TMEM19: variants seen among roughly 807,000 people sequenced by gnomAD.
TMEM19 encodes transmembrane protein 19.
A neutral mutation model predicts 33.6 loss-of-function variants in TMEM19; 21 were observed. That is an observed-to-expected ratio of 0.62 (90% CI 0.44 to 0.90). TMEM19 has a LOEUF of 0.90. Among genes scored for constraint, TMEM19 ranks in the 40% least tolerant of loss-of-function variants. The pLI is 0.00. For synonymous variants in TMEM19, 149 were observed against 147.5 expected (o/e 1.01, Z -0.07); for missense variants, 402 against 401.8 (o/e 1.00, Z 0.00).
intron 2 of TMEM19, among the ~76,000 whole-genome samples, chr12:71,696,211 C>T (rs116030156): frequency 0.011 from 1,675 of 152,144 alleles, 25 homozygotes; most frequent in African/African-American, 0.038. Context: ...TATTATCTTA[C>T]ATTCATATGG....
chr12:71,700,049 C>T (rs144378732), intron 5 of TMEM19, among the ~76,000 whole-genome samples: 171 of 152,258 alleles, frequency 1.1e-3, no homozygotes, highest in African/African-American at 4.0e-3. Flanking sequence ...AGGGTTCTCT[C>T]AGTATAGTCC....
chr12:71,700,924 A>T lies in TMEM19; in HGVS notation c.940A>T (p.Asn314Tyr). Residue 314 changes from asparagine to tyrosine, a missense_variant, in exon 6 of 6, where the codon AAT becomes TAT. By Grantham distance (143) the Asn-to-Tyr change is moderately radical. Transcript: ENST00000266673. ...ACCCATTCTTGATAACAACGCAGTG[A>T]ATCTGTTTTCTTCTGTTCTTATTGC... ...GKPILDNNAV[N>Y]LFSSVLIALL... The T allele has an allele frequency of 6.2e-7, 1 of 1,613,824 alleles. No homozygotes were observed. Among genetic ancestry groups the T allele is most frequent in the Non-Finnish European group, 8.5e-7 (1 of 1,179,860 alleles).
rs1291512264 is a variant in TMEM19, at chr12:71,701,652, A to G, written c.*657A>G. The G allele has an allele frequency of 6.6e-6, 1 of 152,274 alleles. No homozygotes were observed. Among genetic ancestry groups the G allele is most frequent in the Non-Finnish European group, 1.5e-5 (1 of 68,044 alleles). The allele number at this position is 152,274 out of a possible 1,614,324, so 9.4% of individuals were successfully genotyped here. A position where few individuals can be genotyped will look rare whatever the true frequency, so the allele number is the denominator to read the frequency against. On this transcript the variant is annotated 3_prime_UTR_variant, in exon 6 of 6. Transcript: ENST00000266673. ...AGAATGTATGAAAAAAATCATTTTA[A>G]CTAAAAGCAAAAGAATTTTATCTTA...
chr12:71,689,247 G>T (rs565346025), intron 1 of TMEM19, among the ~76,000 whole-genome samples: 3 of 152,074 alleles, frequency 2.0e-5, no homozygotes. Context: ...ACACAAATAC[G>T]TTATAATTGC....
In TMEM19 at chr12:71,698,883, G is replaced by T. The variant is rs1041698268; in HGVS notation, c.638-17G>T. On this transcript the variant is annotated splice_polypyrimidine_tract_variant and intron_variant, in intron 4 of 5. Coordinates refer to ENST00000266673, the MANE Select transcript of TMEM19 (RefSeq NM_018279.4). Reference sequence around the variant, plus strand: ...CTGATTATTAACCGGATGATTTTCTGCATGTTTCTTCTTCAGGTACCAATG... The same window carrying T: ...CTGATTATTAACCGGATGATTTTCTTCATGTTTCTTCTTCAGGTACCAATG... 6.2e-7 allele frequency: 1 copy of T among 1,611,592 alleles called. No homozygotes were observed. The highest frequency in any genetic ancestry group is 1.7e-5 in the Admixed American group (1 of 59,928).
At chr12:71,699,292 A>G (rs746836570) in intron 5 of TMEM19, 183 bp downstream of exon 5, 17 of 640,480 alleles carry the variant, frequency 2.7e-5, no homozygotes, top group Non-Finnish European at 3.2e-5. Flanking sequence ...ATTAATTGAA[A>G]GAGAATTAGT....
chr12:71,701,133 C>T lies in TMEM19; in HGVS notation c.*138C>T. On this transcript the variant is annotated 3_prime_UTR_variant, in exon 6 of 6. Coordinates refer to ENST00000266673, the MANE Select transcript of TMEM19 (RefSeq NM_018279.4). Reference sequence around the variant, plus strand: ...TGTATTCCATTGAGATGGGATTTCACATTTTCCTCTCATCAACTCCCCTGT... The same window carrying T: ...TGTATTCCATTGAGATGGGATTTCATATTTTCCTCTCATCAACTCCCCTGT... The T allele has an allele frequency of 2.3e-6, 2 of 870,670 alleles. No homozygotes were observed. The highest frequency in any genetic ancestry group is 1.7e-5 in the African/African-American group (1 of 58,948). 53.9% of individuals were successfully genotyped at this position (870,670 alleles called of 1,614,324 possible). A position where few individuals can be genotyped will look rare whatever the true frequency, so the allele number is the denominator to read the frequency against.
intron 1 of TMEM19, 45 bp downstream of exon 1, chr12:71,686,855 G>A (rs1881699460): frequency 1.9e-6 from 3 of 1,553,590 alleles, no homozygotes; most frequent in East Asian, 4.6e-5. Context: ...TCTAGTCAGA[G>A]GAAATTAAAA....
chr12:71,688,387 G>T (rs1023502666), intron 1 of TMEM19, among the ~76,000 whole-genome samples: 2 of 152,038 alleles, frequency 1.3e-5, no homozygotes, highest in Non-Finnish European at 2.9e-5. Context: ...CTGCCACCAT[G>T]CCTGGCTAAT....
At position 71,686,432 on chromosome 12, in the gene TMEM19, T is replaced by G; in HGVS notation, c.-249T>G. On this transcript the variant is annotated 5_prime_UTR_variant, in exon 1 of 6. Transcript: ENST00000266673. The stretch of plus-strand genomic sequence containing the variant: ...GCGGCCGGCAGCCGGCGACCGGCCC[T>G]CACCGTCCGCCGGGTTGCGCTCTGC... 2.8e-6 allele frequency: 1 copy of G among 360,304 alleles called. No individual in the cohort carries two copies. The allele number at this position is 360,304 out of a possible 1,614,324, so 22.3% of individuals were successfully genotyped here.
chr12:71,690,796 G>T (rs1015648719), intron 2 of TMEM19, among the ~76,000 whole-genome samples: 2 of 152,172 alleles, frequency 1.3e-5, no homozygotes, highest in African/African-American at 4.8e-5. Context: ...AGAATAACAA[G>T]TGCAAAAGTC....
At chr12:71,691,204 A>C (rs1881779464) in intron 2 of TMEM19, among the ~76,000 whole-genome samples, 1 of 152,192 alleles carries the variant, frequency 6.6e-6, no homozygotes, top group Non-Finnish European at 1.5e-5. Context: ...AATACTGTTT[A>C]AGTTATATTG....
chr12:71,697,479 A>C lies in TMEM19; in HGVS notation c.582A>C (p.Pro194=). 6.3e-7 allele frequency: 1 copy of C among 1,597,712 alleles called. No homozygotes were observed. ...ACACATGGGCTTCAGAAGTTGGCCC[A>C]GTTCTGAGTAAAAGTTCTCCAAGAC... ...AGDTWASEVG[P]VLSKSSPRLI... is the part of the protein sequence containing the mutation. The change falls in exon 4 of 6, where the codon CCA becomes CCC. Residue 194 remains proline, a synonymous_variant. Transcript: ENST00000266673.
chr12:71,690,893 T>G (rs748500790), intron 2 of TMEM19, among the ~76,000 whole-genome samples: 1 of 152,230 alleles, frequency 6.6e-6, no homozygotes, highest in Non-Finnish European at 1.5e-5. Flanking sequence ...AAGTGAGAGA[T>G]AAAATTGAAT....
At position 71,700,849 on chromosome 12, in the gene TMEM19, G is replaced by A. The variant is rs1881964852; in HGVS notation, c.865G>A (p.Gly289Ser). Residue 289 changes from glycine to serine, a missense_variant, in exon 6 of 6, where the codon GGC (glycine) becomes AGC (serine). Coordinates refer to ENST00000266673, the MANE Select transcript of TMEM19 (RefSeq NM_018279.4). Reference protein sequence around the residue: ...MQYTGLDESTGMVVNSPTNKA... With the variant: ...MQYTGLDESTSMVVNSPTNKA... ...CATTCCAGGGTTGGATGAAAGCACT[G>A]GCATGGTGGTCAACAGCCCAACAAA... 2 of 1,607,136 alleles carry A rather than the reference G, an allele frequency of 1.2e-6. No homozygotes were observed. Among genetic ancestry groups the A allele is most frequent in the South Asian group, 1.1e-5 (1 of 90,102 alleles).
chr12:71,694,880 A>T (rs1185791453), intron 2 of TMEM19, among the ~76,000 whole-genome samples: 1 of 152,168 alleles, frequency 6.6e-6, no homozygotes, highest in Non-Finnish European at 1.5e-5. Flanking sequence ...GAGATTACCC[A>T]GGTCACCCTG....
intron 5 of TMEM19, 76 bp downstream of exon 5, chr12:71,699,185 A>G: frequency 2.7e-6 from 4 of 1,490,482 alleles, no homozygotes; most frequent in Non-Finnish European, 3.7e-6. Context: ...AAATGTTAAC[A>G]ATGAAAACAA....
chr12:71,690,067 T>C (rs1476262297), intron 2 of TMEM19, among the ~76,000 whole-genome samples: 1 of 152,234 alleles, frequency 6.6e-6, no homozygotes, highest in Non-Finnish European at 1.5e-5. Flanking sequence ...GAAATTGCTG[T>C]TAGTAATCTC....
intron 1 of TMEM19, among the ~76,000 whole-genome samples, chr12:71,687,746 A>T (rs1207426057): frequency 6.6e-6 from 1 of 152,244 alleles, no homozygotes; most frequent in African/African-American, 2.4e-5. Flanking sequence ...CTGGACTCAG[A>T]TCTTTAAAGT....
Sources: allele counts gnomAD v4.1 joint callset (sites outside exome capture counted in the v4.1 genomes callset), GRCh38; gene constraint gnomAD v4.1.1; transcripts MANE v1.5; gene names NCBI Gene and HGNC (gene_info 2026-07-23, HGNC 2026-07-21).